SLC9D1: variants seen among roughly 807,000 people sequenced by gnomAD.
SLC9D1 encodes the protein putative LAG1-interacting protein.
chr13:113,511,961 C>G, the SLC9D1 span: 23,616 of 141,820 alleles, frequency 0.17, 1,809 homozygotes, highest in African/African-American at 0.31. Flanking sequence ...ACTGGAGAGG[C>G]AGAGGGCCGG....
chr13:113,530,051 A>C, the SLC9D1 span: 2 of 152,276 alleles, frequency 1.3e-5, no homozygotes, highest in African/African-American at 4.8e-5. Context: ...ATAATATAGA[A>C]TGAACATTGA....
At chr13:113,495,973 T>C in the SLC9D1 span, 17 of 1,613,184 alleles carry the variant, frequency 1.1e-5, no homozygotes, top group Non-Finnish European at 1.4e-5. Flanking sequence ...GTCGTGAACA[T>C]GAAGGAGAGC....
chr13:113,503,458 C>T, the SLC9D1 span: 2 of 1,508,540 alleles, frequency 1.3e-6, no homozygotes, highest in Admixed American at 1.7e-5. Flanking sequence ...ATATGTTAAA[C>T]ATGTACAATT....
At chr13:113,517,547 G>A in the SLC9D1 span, among the ~76,000 whole-genome samples, 5 of 152,048 alleles carry the variant, frequency 3.3e-5, no homozygotes, top group Non-Finnish European at 7.3e-5. Context: ...ATTCCTGAAC[G>A]TCCACCAAGA....
the SLC9D1 span, among the ~76,000 whole-genome samples, chr13:113,509,362 G>C: frequency 9.4e-6 from 1 of 106,068 alleles, no homozygotes; most frequent in South Asian, 2.8e-4. Flanking sequence ...CTATGTTGGG[G>C]CTGGTGGGCT....
At chr13:113,549,558 C>T in the SLC9D1 span, 162 of 1,613,558 alleles carry the variant, frequency 1.0e-4, no homozygotes, top group Non-Finnish European at 1.3e-4. Context: ...GATGATGGAC[C>T]GTGGAAGGGA....
chr13:113,540,280 G>T, the SLC9D1 span, among the ~76,000 whole-genome samples: 1 of 152,154 alleles, frequency 6.6e-6, no homozygotes, highest in Admixed American at 6.5e-5. Flanking sequence ...TGGGTCGAAT[G>T]GTAATTCTGT....
At chr13:113,501,469 G>C in the SLC9D1 span, among the ~76,000 whole-genome samples, 1 of 152,124 alleles carries the variant, frequency 6.6e-6, no homozygotes, top group Admixed American at 6.5e-5. Flanking sequence ...TTCTGGTCTG[G>C]GGGGCAGGGG....
the SLC9D1 span, among the ~76,000 whole-genome samples, chr13:113,507,756 C>G: frequency 4.6e-5 from 7 of 152,250 alleles, no homozygotes; most frequent in African/African-American, 7.2e-5. Context: ...TGTATCTTCT[C>G]TGTTCTAACT....
At chr13:113,496,044 GAGAGA>G in the SLC9D1 span, 7 of 1,514,236 alleles carry the variant, frequency 4.6e-6, no homozygotes, top group African/African-American at 9.7e-5. Context: ...TAGAGAGGGA[GAGAGA>G]GAGAGAGGGA....
the SLC9D1 span, chr13:113,549,525 G>A: frequency 3.1e-5 from 50 of 1,614,006 alleles, no homozygotes; most frequent in Middle Eastern, 1.6e-4. Flanking sequence ...CCGGAGAGAC[G>A]GTCCAGCCTC....
At chr13:113,525,373 TCA>T in the SLC9D1 span, among the ~76,000 whole-genome samples, 1 of 152,192 alleles carries the variant, frequency 6.6e-6, no homozygotes, top group African/African-American at 2.4e-5. Context: ...TATAAAAGGC[TCA>T]CACACCCAAT....
chr13:113,491,359 C>T, the SLC9D1 span: 81 of 152,788 alleles, frequency 5.3e-4, no homozygotes, highest in African/African-American at 1.8e-3. Flanking sequence ...CCCTCTCTCC[C>T]TCCCCGGGGC....
chr13:113,492,829 C>G, the SLC9D1 span, among the ~76,000 whole-genome samples: 1 of 152,054 alleles, frequency 6.6e-6, no homozygotes, highest in African/African-American at 2.4e-5. Context: ...ACCCGGGAGG[C>G]AAAGGTTGCA....
the SLC9D1 span, chr13:113,501,921 A>C: frequency 6.6e-7 from 1 of 1,509,150 alleles, no homozygotes; most frequent in South Asian, 1.2e-5. Flanking sequence ...TGTTTAACAG[A>C]ATATAAAAAG....
At chr13:113,517,892 A>G in the SLC9D1 span, among the ~76,000 whole-genome samples, 1 of 151,652 alleles carries the variant, frequency 6.6e-6, no homozygotes, top group Admixed American at 6.6e-5. Flanking sequence ...GGGGCCCCAC[A>G]GCAAGGGGTT....
the SLC9D1 span, chr13:113,534,204 C>T: frequency 6.2e-7 from 1 of 1,613,942 alleles, no homozygotes; most frequent in Non-Finnish European, 8.5e-7. Flanking sequence ...AAATCCTGAT[C>T]TTGGGAATAT....
At chr13:113,495,078 T>G in the SLC9D1 span, among the ~76,000 whole-genome samples, 1 of 152,204 alleles carries the variant, frequency 6.6e-6, no homozygotes, top group Non-Finnish European at 1.5e-5. Context: ...GGTCTTGAAC[T>G]CCTGACCTCA....
chr13:113,535,798 G>A, the SLC9D1 span, among the ~76,000 whole-genome samples: 1 of 152,226 alleles, frequency 6.6e-6, no homozygotes, highest in African/African-American at 2.4e-5. This position sits in a 1 kb window ranked among gnomAD's most constrained non-coding sequence, Gnocchi z 4.1. Context: ...GGCTGGGGAT[G>A]GCACTCGCTG....
Sources: gnomAD v4.1 joint callset for allele counts (sites outside exome capture counted in the v4.1 genomes callset) on GRCh38, gnomAD v4.1.1 for gene constraint, Gnocchi (gnomAD v3.1) non-coding constraint, MANE v1.5 for transcripts, NCBI Gene and HGNC (gene_info 2026-07-23, HGNC 2026-07-21) for gene names.